Variants in RPGR observed in about 807,000 individuals in gnomAD.
The protein encoded by RPGR is X-linked retinitis pigmentosa GTPase regulator.
A neutral mutation model predicts 56.3 loss-of-function variants in RPGR; 10 were observed. The ratio of observed to expected loss-of-function variants is 0.18; its 90% CI spans 0.11 to 0.30. The LOEUF (loss-of-function observed/expected upper bound fraction) is 0.30. Among genes scored for constraint, RPGR ranks in the 10% least tolerant of loss-of-function variants. The probability of loss-of-function intolerance (pLI) is 1.00; values close to 1 mark genes in which losing one functional copy is unlikely to be tolerated. For missense variants in RPGR, 538 were observed against 590.9 expected, an observed-to-expected ratio of 0.91 and a Z score of 0.93; for synonymous variants, 197 against 212.9, an observed-to-expected ratio of 0.93 and a Z score of 0.65.
In RPGR at chrX:38,291,039, A is replaced by C. The variant is rs1166875957; in HGVS notation, c.1507-15T>G. 1 of 772,268 alleles carries C rather than the reference A, an allele frequency of 1.3e-6. No homozygotes were observed. The highest frequency in any genetic ancestry group is 3.0e-5 in the Admixed American group (1 of 33,744). The allele number at this position is 772,268 out of a possible 1,213,427, so 63.6% of individuals were successfully genotyped here. On this transcript the variant is annotated splice_polypyrimidine_tract_variant and intron_variant, in intron 12 of 18. Coordinates refer to ENST00000642395, the MANE Select transcript of RPGR (RefSeq NM_000328.3). ...ATGATGTGTGTCTGAAATAAATAAA[A>C]AATATATATTATAAAAAGAATACAG...
At chrX:38,316,079 T>G (rs778938682) in intron 6 of RPGR, among the ~76,000 whole-genome samples, 2 of 111,074 alleles carry the variant, frequency 1.8e-5, no homozygotes, top group Non-Finnish European at 3.8e-5. Context: ...AAAGTTGCTT[T>G]AAGTGATTAA....
At chrX:38,316,791 G>T (rs2067835508) in intron 6 of RPGR, among the ~76,000 whole-genome samples, 1 of 111,364 alleles carries the variant, frequency 9.0e-6, no homozygotes, top group South Asian at 3.8e-4. Flanking sequence ...CCCTGAGCCT[G>T]TGGTATATGG....
At chrX:38,289,073 T>C (rs1490150485) in intron 13 of RPGR, among the ~76,000 whole-genome samples, 2 of 111,697 alleles carry the variant, frequency 1.8e-5, no homozygotes, top group Non-Finnish European at 3.8e-5. Context: ...TGAGCCACCA[T>C]GCCTGGCCTA....
intron 8 of RPGR, among the ~76,000 whole-genome samples, chrX:38,301,581 T>A (rs1250501308): frequency 9.0e-6 from 1 of 111,249 alleles, no homozygotes; most frequent in African/African-American, 3.3e-5. Flanking sequence ...AATAAATCAA[T>A]TAACCTTGGT....
intron 11 of RPGR, among the ~76,000 whole-genome samples, chrX:38,292,817 G>T (rs148128427): frequency 4.4e-4 from 49 of 111,138 alleles, no homozygotes; most frequent in African/African-American, 1.5e-3. Flanking sequence ...TCACTACAGA[G>T]GTACATAGAA....
At position 38,291,123 on chromosome X, in the gene RPGR, ATT is replaced by A. The variant is rs10567683; in HGVS notation, c.1507-101_1507-100del. 1,049 of 172,290 alleles carry A rather than the reference ATT, an allele frequency of 6.1e-3. 14 individuals are homozygous for A. Among genetic ancestry groups the A allele is most frequent in the East Asian group, 3.5e-3 (24 of 6,929 alleles). The allele number at this position is 172,290 out of a possible 1,213,427, so 14.2% of individuals were successfully genotyped here. On this transcript the variant is annotated intron_variant, in intron 12 of 18. Coordinates refer to ENST00000642395, the MANE Select transcript of RPGR (RefSeq NM_000328.3). ...ATATAGTATATTTTCAATTATATAT[ATT>A]TTTTTATATATATATATATATAAAA...
At chrX:38,296,855 T>C (rs1458849182) in intron 11 of RPGR, among the ~76,000 whole-genome samples, 1 of 111,937 alleles carries the variant, frequency 8.9e-6, no homozygotes, top group East Asian at 2.8e-4. Context: ...AATACAGAAT[T>C]TCACATAGAT....
chrX:38,299,272 T>C, intron 9 of RPGR, 131 bp from the exon 10 acceptor site: 2 of 610,663 alleles, frequency 3.3e-6, no homozygotes, highest in Non-Finnish European at 2.7e-6. Context: ...TGAATCTCTC[T>C]GTCTATACGT....
chrX:38,315,442 G>A lies in RPGR; in HGVS notation c.619+1874C>T, dbSNP rs185442506. On this transcript the variant is annotated intron_variant, in intron 6 of 18. Transcript: ENST00000642395. The stretch of plus-strand genomic sequence containing the variant: ...CGTGGATGGAACTGGAAGTCATTAC[G>A]TTAAATGAAATAAAACAGGCACAGA... Among the ~76,000 whole-genome samples the A allele has an allele frequency of 4.5e-5, 5 of 112,008 alleles. No homozygotes were observed. The East Asian group carries it at 1.4e-3, about 31-fold the overall frequency.
At chrX:38,285,472 G>C (rs2067109847) in intron 15 of RPGR, 7 of 1,205,153 alleles carry the variant, frequency 5.8e-6, no homozygotes, top group Non-Finnish European at 6.7e-6. Flanking sequence ...AACACGTAAT[G>C]AGTGCCCGTT....
intron 15 of RPGR, among the ~76,000 whole-genome samples, chrX:38,282,775 G>A (rs1481037761): frequency 1.2e-5 from 1 of 81,055 alleles, no homozygotes; most frequent in African/African-American, 6.2e-5. Flanking sequence ...GACTGCTGCT[G>A]TTCAGCAGCA....
intron 9 of RPGR, among the ~76,000 whole-genome samples, chrX:38,300,580 G>C (rs1245819087): frequency 9.0e-6 from 1 of 111,164 alleles, no homozygotes; most frequent in Admixed American, 9.5e-5. Flanking sequence ...TGTCACCTGG[G>C]CTGGAGTGCA....
At chrX:38,302,219 G>T (rs1026634554) in intron 8 of RPGR, among the ~76,000 whole-genome samples, 1 of 111,500 alleles carries the variant, frequency 9.0e-6, no homozygotes, top group African/African-American at 3.3e-5. Context: ...CTCAACTGGG[G>T]TAAGTGCCAG....
At chrX:38,301,427 T>C (rs927442780) in intron 8 of RPGR, 56 bp from the exon 9 acceptor site, 56 of 1,044,266 alleles carry the variant, frequency 5.4e-5, no homozygotes, top group Non-Finnish European at 6.9e-5. Context: ...ATGGATCTAT[T>C]TGTAAACAGA....
chrX:38,307,794 G>T (rs749691130), intron 7 of RPGR, among the ~76,000 whole-genome samples: 8 of 111,856 alleles, frequency 7.2e-5, no homozygotes, highest in African/African-American at 2.3e-4. Context: ...TGAAAAACAG[G>T]CAAAGTAGTG....
intron 15 of RPGR, among the ~76,000 whole-genome samples, chrX:38,281,627 T>C (rs911202811): frequency 2.1e-4 from 24 of 112,186 alleles, no homozygotes; most frequent in African/African-American, 7.8e-4. Context: ...AGAGTATAAT[T>C]AGAGTGATAC....
Position 38,273,743 on chromosome X carries a change from A to T in RPGR, c.2150-266T>A, listed in dbSNP as rs4827345. ...AAGGTAATAGTCAATGTTAGAGAAGACTTCTGTAAAATACAAATTACTTTA... is the reference window on the plus strand; with the variant it reads ...AAGGTAATAGTCAATGTTAGAGAAGTCTTCTGTAAAATACAAATTACTTTA... On this transcript the variant is annotated intron_variant, in intron 17 of 18. Coordinates refer to ENST00000642395, the MANE Select transcript of RPGR (RefSeq NM_000328.3). 50,032 of 229,558 alleles carry T rather than the reference A, an allele frequency of 0.22. 4,844 individuals are homozygous for T. The highest frequency in any genetic ancestry group is 0.4 in the Middle Eastern group (281 of 708). 18.9% of individuals were successfully genotyped at this position (229,558 alleles called of 1,213,427 possible). A position where few individuals can be genotyped will look rare whatever the true frequency, so the allele number is the denominator to read the frequency against.
At chrX:38,300,184 A>G (rs1358393120) in intron 9 of RPGR, among the ~76,000 whole-genome samples, 2 of 111,759 alleles carry the variant, frequency 1.8e-5, no homozygotes, top group African/African-American at 6.5e-5. Context: ...TCCTGACCTC[A>G]GTTGATCTGC....
intron 7 of RPGR, among the ~76,000 whole-genome samples, chrX:38,305,014 A>T: frequency 8.9e-6 from 1 of 112,267 alleles, no homozygotes; most frequent in Middle Eastern, 4.6e-3. Context: ...CATGGGTATG[A>T]TTTTATCTTT....
Sources: allele counts gnomAD v4.1 joint callset (sites outside exome capture counted in the v4.1 genomes callset), GRCh38; gene constraint gnomAD v4.1.1; transcripts MANE v1.5; gene names NCBI Gene and HGNC (gene_info 2026-07-23, HGNC 2026-07-21).